Variants in ROBO2 observed in about 807,000 individuals in gnomAD.
ROBO2 encodes roundabout guidance receptor 2, also known as roundabout homolog 2.
ROBO2 carries 53 observed loss-of-function variants against 160.8 expected under a neutral mutation model. That is an observed-to-expected ratio of 0.33 (90% CI 0.26 to 0.41). The LOEUF (loss-of-function observed/expected upper bound fraction) is 0.41, where lower values mean the gene tolerates loss of function less well. Ranked by LOEUF, ROBO2 falls within the 10% of genes least tolerant of loss-of-function variation. The pLI is 1.00. For synonymous variants in ROBO2, 664 were observed against 611.7 expected (o/e 1.09, Z -1.26); for missense variants, 1,577 against 1,722.4 (o/e 0.92, Z 1.49).
intron 2 of ROBO2, among the ~76,000 whole-genome samples, chr3:77,239,448 C>G (rs1347584659): frequency 1.3e-5 from 2 of 152,166 alleles, no homozygotes; most frequent in Non-Finnish European, 2.9e-5. Flanking sequence ...AAAGGGTGAG[C>G]AGCAGCAAGA....
chr3:77,538,970 A>C (rs1411326584), intron 6 of ROBO2: 1 of 426,918 alleles, frequency 2.3e-6, no homozygotes, highest in East Asian at 7.3e-5. Flanking sequence ...GCTGGAGAGC[A>C]GTGGCACAAC....
chr3:76,234,818 T>C (rs921815182), intron 2 of ROBO2, among the ~76,000 whole-genome samples: 11 of 152,156 alleles, frequency 7.2e-5, no homozygotes, highest in Non-Finnish European at 5.9e-5. Flanking sequence ...CTTTTTGAAA[T>C]TGGAGTGTTT....
intron 2 of ROBO2, among the ~76,000 whole-genome samples, chr3:76,646,082 C>A (rs1172973934): frequency 6.6e-6 from 1 of 152,048 alleles, no homozygotes; most frequent in African/African-American, 2.4e-5. Flanking sequence ...AATTGAGATT[C>A]TTTCACAACT....
intron 2 of ROBO2, among the ~76,000 whole-genome samples, chr3:77,287,799 C>G (rs1295965874): frequency 2.0e-5 from 3 of 152,046 alleles, no homozygotes; most frequent in East Asian, 3.9e-4. Flanking sequence ...GTTCAGAAAG[C>G]CTTTCCCTAG....
Position 76,384,599 on chromosome 3 carries a change from G to C in ROBO2, c.109+446997G>C, listed in dbSNP as rs146308499. 1.2e-3 allele frequency among the ~76,000 whole-genome samples: 183 copies of C among 152,254 alleles called. 1 individual carries two copies. Among genetic ancestry groups the C allele is most frequent in the African/African-American group, 4.2e-3 (175 of 41,540 alleles). Reference sequence around the variant, plus strand: ...GACTGGGTAATTTATAAAGGAAAGAGGTTTAACTGACTCACAGTTCCACAG... The same window carrying C: ...GACTGGGTAATTTATAAAGGAAAGACGTTTAACTGACTCACAGTTCCACAG... On this transcript the variant is annotated intron_variant, in intron 2 of 26. Transcript: ENST00000487694.
At chr3:77,293,862 C>G (rs1210088998) in intron 2 of ROBO2, among the ~76,000 whole-genome samples, 1 of 139,748 alleles carries the variant, frequency 7.2e-6, no homozygotes, top group Non-Finnish European at 1.5e-5. Context: ...GGCTAGATCA[C>G]CCCAGATGTA....
intron 5 of ROBO2, among the ~76,000 whole-genome samples, chr3:77,519,763 T>TA (rs1185620807): frequency 8.6e-5 from 13 of 151,366 alleles, no homozygotes; most frequent in African/African-American, 2.9e-4. Flanking sequence ...GGTTTTTTGG[T>TA]AAAACGATTT....
intron 2 of ROBO2, among the ~76,000 whole-genome samples, chr3:77,425,710 G>C (rs1377517096): frequency 2.0e-5 from 3 of 151,076 alleles, no homozygotes. Context: ...TGTCGCCCAG[G>C]CTGGAATGCA....
chr3:77,509,242 G>GGTAA (rs1266523676), intron 5 of ROBO2, among the ~76,000 whole-genome samples: 7 of 152,020 alleles, frequency 4.6e-5, no homozygotes, highest in African/African-American at 1.7e-4. Context: ...TGGGAAGGTA[G>GGTAA]GAAGGAGGGT....
chr3:76,106,550 C>T (rs921833649), intron 2 of ROBO2, among the ~76,000 whole-genome samples: 5 of 152,004 alleles, frequency 3.3e-5, no homozygotes, highest in African/African-American at 1.2e-4. Flanking sequence ...TGAAGGGTTT[C>T]GAGCCATGGA....
intron 2 of ROBO2, among the ~76,000 whole-genome samples, chr3:77,168,468 T>C (rs116220433): frequency 0.013 from 1,997 of 152,294 alleles, 66 homozygotes; most frequent in African/African-American, 0.045. Context: ...GAAGTCTGAT[T>C]TGAAATCTTG....
chr3:76,040,362 G>T (rs2067242301), intron 2 of ROBO2, among the ~76,000 whole-genome samples: 1 of 151,620 alleles, frequency 6.6e-6, no homozygotes, highest in Non-Finnish European at 1.5e-5. Context: ...AATGCATCTA[G>T]TTGTTCCAAA....
intron 21 of ROBO2, among the ~76,000 whole-genome samples, chr3:77,610,087 G>T (rs1583263878): frequency 6.6e-6 from 1 of 151,306 alleles, no homozygotes; most frequent in Non-Finnish European, 1.5e-5. Context: ...GCATGATTTT[G>T]TCCATTTTTT....
At chr3:76,374,721 C>T (rs1443615912) in intron 2 of ROBO2, among the ~76,000 whole-genome samples, 1 of 151,944 alleles carries the variant, frequency 6.6e-6, no homozygotes, top group Non-Finnish European at 1.5e-5. Context: ...AAAAATTCTA[C>T]TCTGGTTATA....
At chr3:77,126,349 A>T (rs2150314406) in intron 2 of ROBO2, among the ~76,000 whole-genome samples, 1 of 152,348 alleles carries the variant, frequency 6.6e-6, no homozygotes, top group Middle Eastern at 3.4e-3. Context: ...GCAATGAAGT[A>T]ATCATCTGTT....
At chr3:76,768,943 C>A (rs946599351) in intron 2 of ROBO2, among the ~76,000 whole-genome samples, 1 of 151,344 alleles carries the variant, frequency 6.6e-6, no homozygotes, top group African/African-American at 2.4e-5. Flanking sequence ...AACAAAAGTA[C>A]AATCTTTTTA....
At chr3:76,205,536 C>T (rs1009630601) in intron 2 of ROBO2, among the ~76,000 whole-genome samples, 1 of 152,158 alleles carries the variant, frequency 6.6e-6, no homozygotes, top group African/African-American at 2.4e-5. Flanking sequence ...TTTAACTCTA[C>T]TAAGAGTCCA....
chr3:77,401,045 A>G (rs2075752503), intron 2 of ROBO2, among the ~76,000 whole-genome samples: 1 of 151,502 alleles, frequency 6.6e-6, no homozygotes, highest in African/African-American at 2.4e-5. Flanking sequence ...TGTTTCCACG[A>G]TTCTTGGTTA....
chr3:77,017,302 A>G (rs1158362752), intron 2 of ROBO2, among the ~76,000 whole-genome samples: 6 of 152,234 alleles, frequency 3.9e-5, no homozygotes, highest in Non-Finnish European at 8.8e-5. Context: ...TAAAAACAAA[A>G]CAACCACAAC....
Sources: allele counts gnomAD v4.1 joint callset (sites outside exome capture counted in the v4.1 genomes callset), GRCh38; gene constraint gnomAD v4.1.1; transcripts MANE v1.5; gene names NCBI Gene and HGNC (gene_info 2026-07-23, HGNC 2026-07-21).